Variants in ZHX3 observed in about 807,000 individuals in gnomAD.
ZHX3 encodes zinc fingers and homeoboxes 3.
Under a neutral mutation model 64.5 loss-of-function variants are expected in ZHX3, and 20 were observed. The observed-to-expected ratio is 0.31, with a 90% confidence interval of 0.22 to 0.45. The LOEUF (loss-of-function observed/expected upper bound fraction) is 0.45. Ranked by LOEUF, ZHX3 falls within the 20% of genes least tolerant of loss-of-function variation. The pLI is 1.00. For synonymous variants in ZHX3, 423 were observed against 461.6 expected (o/e 0.92, Z 1.07); for missense variants, 1,041 against 1,195.8 (o/e 0.87, Z 1.91).
intron 2 of ZHX3, among the ~76,000 whole-genome samples, chr20:41,218,919 T>C (rs62210685): frequency 1.1e-3 from 158 of 146,684 alleles, no homozygotes; most frequent in Non-Finnish European, 1.9e-3. Context: ...CCTCAAACAG[T>C]GCTGTTTTTT....
At chr20:41,286,246 T>C (rs1253201546) in intron 1 of ZHX3, among the ~76,000 whole-genome samples, 1 of 152,224 alleles carries the variant, frequency 6.6e-6, no homozygotes, top group Non-Finnish European at 1.5e-5. Context: ...TGCATTCATT[T>C]TTTGTACTTC....
chr20:41,269,740 A>G (rs2043033991), intron 1 of ZHX3, among the ~76,000 whole-genome samples: 1 of 152,198 alleles, frequency 6.6e-6, no homozygotes. Flanking sequence ...GCCCATTAGC[A>G]GTAAAATGGT....
At chr20:41,306,719 C>T (rs968651117) in intron 1 of ZHX3, among the ~76,000 whole-genome samples, 1 of 152,180 alleles carries the variant, frequency 6.6e-6, no homozygotes, top group African/African-American at 2.4e-5. Flanking sequence ...ATGGTATTGT[C>T]ATTATCAGGA....
chr20:41,190,916 G>C (rs1199635876), intron 3 of ZHX3, among the ~76,000 whole-genome samples: 1 of 151,998 alleles, frequency 6.6e-6, no homozygotes, highest in Non-Finnish European at 1.5e-5. Context: ...TAGTCTGATG[G>C]GGCTTCCTTT....
chr20:41,273,985 T>C (rs2043269762), intron 1 of ZHX3, among the ~76,000 whole-genome samples: 1 of 152,224 alleles, frequency 6.6e-6, no homozygotes, highest in Admixed American at 6.5e-5. Context: ...CATTCTATGA[T>C]GTAATTTTAA....
chr20:41,310,099 G>A (rs2045086795), intron 1 of ZHX3, among the ~76,000 whole-genome samples: 1 of 152,030 alleles, frequency 6.6e-6, no homozygotes, highest in African/African-American at 2.4e-5. Context: ...GTCACCCCCT[G>A]GCCAATATCC....
chr20:41,227,544 G>A (rs2040349377), intron 2 of ZHX3, among the ~76,000 whole-genome samples: 1 of 152,162 alleles, frequency 6.6e-6, no homozygotes, highest in African/African-American at 2.4e-5. Context: ...GAGTACTGGG[G>A]AAGAGTTAAC....
In ZHX3 at chr20:41,204,950, C is replaced by T. The variant is rs1323177420; in HGVS notation, c.-34G>A. ...TCACTGGGTGATCAGCAGTTGAGAG[C>T]TTGTCCCATAAGGGGCCTAACAATA... On this transcript the variant is annotated 5_prime_UTR_variant, in exon 3 of 4. Coordinates refer to ENST00000683867, the MANE Select transcript of ZHX3 (RefSeq NM_001384317.1). The surrounding 1 kb of genome is among the most constrained non-coding windows in gnomAD (Gnocchi z 6.6). The T allele has an allele frequency of 1.3e-6, 2 of 1,512,200 alleles. No individual in the cohort carries two copies. The highest frequency in any genetic ancestry group is 2.3e-5 in the Admixed American group (1 of 43,684). The allele number at this position is 1,512,200 out of a possible 1,614,324, so 93.7% of individuals were successfully genotyped here. A position where few individuals can be genotyped will look rare whatever the true frequency, so the allele number is the denominator to read the frequency against.
chr20:41,202,408 G>C lies in ZHX3; in HGVS notation c.2509C>G (p.Pro837Ala). Residue 837 changes from proline to alanine, a missense_variant, in exon 3 of 4, where the codon CCA (proline) becomes GCA (alanine). Pro to Ala is a conservative substitution (Grantham distance 27). Around this residue, in one of 4 missense-constraint regions of ZHX3, gnomAD observed 649 missense variants for 739.8 expected, o/e 0.88. Transcript: ENST00000683867. The surrounding 1 kb of genome is among the most constrained non-coding windows in gnomAD (Gnocchi z 7.0). ...YEDYKRGNFPPGLLVIAPGNR... is the reference protein window; with the variant it reads ...YEDYKRGNFPAGLLVIAPGNR... The stretch of plus-strand genomic sequence containing the variant: ...CCAGGGGCAATGACCAGTAGCCCTG[G>C]TGGGAAGTTGCCTCGCTTATAGTCT... 1 of 1,614,198 alleles carries C rather than the reference G, an allele frequency of 6.2e-7. No individual in the cohort carries two copies. Among genetic ancestry groups the C allele is most frequent in the Non-Finnish European group, 8.5e-7 (1 of 1,180,026 alleles).
chr20:41,191,541 T>G (rs1465271238), intron 3 of ZHX3, among the ~76,000 whole-genome samples: 1 of 152,258 alleles, frequency 6.6e-6, no homozygotes, highest in African/African-American at 2.4e-5. Flanking sequence ...AAATTTATTG[T>G]GTTCCTTCTG....
intron 1 of ZHX3, among the ~76,000 whole-genome samples, chr20:41,280,922 C>A (rs1298569354): frequency 6.6e-6 from 1 of 150,606 alleles, no homozygotes; most frequent in African/African-American, 2.4e-5. Flanking sequence ...AAAGAAATTA[C>A]CAAAGAAATA....
chr20:41,233,205 T>C (rs563813437), intron 2 of ZHX3, among the ~76,000 whole-genome samples: 1 of 152,344 alleles, frequency 6.6e-6, no homozygotes, highest in Non-Finnish European at 1.5e-5. Flanking sequence ...AATGTGAATT[T>C]TGCCCTGTGT....
chr20:41,264,665 G>C (rs926149403), intron 2 of ZHX3, among the ~76,000 whole-genome samples: 1 of 151,714 alleles, frequency 6.6e-6, no homozygotes, highest in Non-Finnish European at 1.5e-5. Flanking sequence ...GCCAAAAATG[G>C]ATCAAGATAT....
chr20:41,236,925 A>C, intron 2 of ZHX3, among the ~76,000 whole-genome samples: 1 of 152,206 alleles, frequency 6.6e-6, no homozygotes, highest in Non-Finnish European at 1.5e-5. Context: ...TACAAGAAAA[A>C]AACAACCCCA....
chr20:41,216,660 C>G (rs1271550694), intron 2 of ZHX3, among the ~76,000 whole-genome samples: 2 of 152,196 alleles, frequency 1.3e-5, no homozygotes, highest in Non-Finnish European at 2.9e-5. Flanking sequence ...AGGTTTTTAA[C>G]TATTACAATG....
At chr20:41,236,519 G>A (rs2041002721) in intron 2 of ZHX3, among the ~76,000 whole-genome samples, 1 of 152,268 alleles carries the variant, frequency 6.6e-6, no homozygotes, top group East Asian at 1.9e-4. Flanking sequence ...AAGAAATGGG[G>A]GAAGGATTCC....
intron 1 of ZHX3, among the ~76,000 whole-genome samples, chr20:41,294,030 CAGA>C (rs2044377952): frequency 6.6e-6 from 1 of 152,078 alleles, no homozygotes; most frequent in African/African-American, 2.4e-5. Flanking sequence ...CCCTTCTGGC[CAGA>C]AGGCTACAGC....
rs2036391019 is a variant in ZHX3 at position 41,184,927 on chromosome 20, T to C, written c.*264A>G. Reference sequence around the variant, plus strand: ...TATGACTATGAACTCTGAACTATTTTATCCATTGGAAGGTAAAGGAAAGGT... The same window carrying C: ...TATGACTATGAACTCTGAACTATTTCATCCATTGGAAGGTAAAGGAAAGGT... On this transcript the variant is annotated 3_prime_UTR_variant, in exon 4 of 4. Transcript: ENST00000683867. 3 of 1,539,960 alleles carry C rather than the reference T, an allele frequency of 1.9e-6. No homozygotes were observed. In the South Asian group the frequency reaches 3.6e-5, roughly 18 times the overall value.
chr20:41,309,901 C>T (rs1306129179), intron 1 of ZHX3, among the ~76,000 whole-genome samples: 1 of 152,184 alleles, frequency 6.6e-6, no homozygotes, highest in Non-Finnish European at 1.5e-5. Context: ...TCACTTATAT[C>T]TGTAGCAAAA....
Sources: gnomAD v4.1 joint callset for allele counts (sites outside exome capture counted in the v4.1 genomes callset) on GRCh38, gnomAD v4.1.1 for gene constraint, gnomAD v4.1.1 regional missense constraint, Gnocchi (gnomAD v3.1) non-coding constraint, MANE v1.5 for transcripts, NCBI Gene and HGNC (gene_info 2026-07-23, HGNC 2026-07-21) for gene names.